The following ARRB1 variants were observed in gnomAD, a reference collection of about 807,000 sequenced individuals.
ARRB1 encodes beta-arrestin-1.
A neutral mutation model predicts 56.8 loss-of-function variants in ARRB1; 21 were observed. The ratio of observed to expected loss-of-function variants is 0.37; its 90% confidence interval spans 0.26 to 0.53. The LOEUF is 0.53. Among genes scored for constraint, ARRB1 ranks in the 20% least tolerant of loss-of-function variants. ARRB1 has a pLI of 0.88. For missense variants in ARRB1, 424 were observed against 553.7 expected, an observed-to-expected ratio of 0.77 and a Z score of 2.35; for synonymous variants, 210 against 218.6, an observed-to-expected ratio of 0.96 and a Z score of 0.35.
intron 1 of ARRB1, among the ~76,000 whole-genome samples, chr11:75,316,956 C>A (rs1947275379): frequency 6.6e-6 from 1 of 152,066 alleles, no homozygotes; most frequent in African/African-American, 2.4e-5. Context: ...GTCCCAGCTA[C>A]TCGGGAGACT....
intron 7 of ARRB1, 62 bp downstream of exon 7, chr11:75,281,012 CT>C (rs1466247428): frequency 7.2e-6 from 11 of 1,534,912 alleles, no homozygotes; most frequent in African/African-American, 4.1e-5. Flanking sequence ...TCCTCTTGGA[CT>C]TTGCCCATCC....
chr11:75,288,247 A>T (rs1946527471), intron 2 of ARRB1, among the ~76,000 whole-genome samples: 1 of 152,250 alleles, frequency 6.6e-6, no homozygotes, highest in African/African-American at 2.4e-5. Context: ...CATTGTGGAA[A>T]GGTGACATCC....
intron 1 of ARRB1, among the ~76,000 whole-genome samples, chr11:75,336,636 T>A (rs139750545): frequency 6.6e-6 from 1 of 152,176 alleles, no homozygotes; most frequent in Non-Finnish European, 1.5e-5. Context: ...CCAGGAAAAT[T>A]GGGATGGCTG....
intron 1 of ARRB1, among the ~76,000 whole-genome samples, chr11:75,345,426 CT>C (rs1947750834): frequency 6.6e-6 from 1 of 152,144 alleles, no homozygotes; most frequent in Non-Finnish European, 1.5e-5. Flanking sequence ...CAAGCCACCC[CT>C]GGGACAGGAA....
In ARRB1 at chr11:75,265,941, G is replaced by A; in HGVS notation, c.*222C>T. The stretch of plus-strand genomic sequence containing the variant: ...CATGAAAAGGAGGGGAGTGGAGATG[G>A]CAGAGATGGGGTGGAGCCAGTGCGC... On this transcript the variant is annotated 3_prime_UTR_variant, in exon 16 of 16. Transcript: ENST00000420843. The A allele has an allele frequency of 1.1e-5, 6 of 557,892 alleles. No individual in the cohort carries two copies. The South Asian group carries it at 1.3e-4, about 12-fold the overall frequency. 34.6% of individuals were successfully genotyped at this position (557,892 alleles called of 1,614,324 possible).
chr11:75,324,803 A>G (rs1050173620), intron 1 of ARRB1, among the ~76,000 whole-genome samples: 1 of 152,176 alleles, frequency 6.6e-6, no homozygotes, highest in Non-Finnish European at 1.5e-5. Flanking sequence ...TGCTACGTCT[A>G]CACTCAAAGT....
intron 3 of ARRB1, among the ~76,000 whole-genome samples, chr11:75,285,445 C>T (rs1946447714): frequency 6.6e-6 from 1 of 151,712 alleles, no homozygotes; most frequent in Non-Finnish European, 1.5e-5. Flanking sequence ...CCTTTCTTTC[C>T]TCTCTCTCTC....
Position 75,299,857 on chromosome 11 carries a change from G to A in ARRB1, c.21-9818C>T, listed in dbSNP as rs562672565. On this transcript the variant is annotated intron_variant, in intron 1 of 15. Transcript: ENST00000420843. The stretch of plus-strand genomic sequence containing the variant: ...CAATAAATAAATATAGGATGACTAT[G>A]GTTAAATGAATGCCCTAAGAGAATT... Among the ~76,000 whole-genome samples, 10 of 152,262 alleles carry A rather than the reference G, an allele frequency of 6.6e-5. 1 individual carries two copies. The South Asian group carries it at 2.1e-3, about 32-fold the overall frequency.
intron 1 of ARRB1, among the ~76,000 whole-genome samples, chr11:75,309,485 A>C (rs572938492): frequency 3.0e-4 from 45 of 152,320 alleles, no homozygotes; most frequent in Non-Finnish European, 5.7e-4. Context: ...TCTTGAGTGA[A>C]ATGAGGCCCT....
intron 6 of ARRB1, chr11:75,281,761 G>A (rs1946348386): frequency 3.3e-6 from 2 of 599,962 alleles, no homozygotes; most frequent in Non-Finnish European, 5.9e-6. Flanking sequence ...CACTGAATGG[G>A]AGAGTGAGGC....
intron 1 of ARRB1, among the ~76,000 whole-genome samples, chr11:75,318,136 A>T (rs1947292256): frequency 6.7e-6 from 1 of 148,748 alleles, no homozygotes; most frequent in Non-Finnish European, 1.5e-5. Flanking sequence ...CCTGGGAATA[A>T]GCATTTCTAA....
At chr11:75,336,824 A>G (rs145931981) in intron 1 of ARRB1, among the ~76,000 whole-genome samples, 190 of 152,294 alleles carry the variant, frequency 1.2e-3, no homozygotes, top group African/African-American at 4.5e-3. Flanking sequence ...TCACCACCCT[A>G]TGAGGGGAAT....
At position 75,268,570 on chromosome 11, in the gene ARRB1, G is replaced by A. The variant is rs572960068; in HGVS notation, c.1093+319C>T. On this transcript the variant is annotated intron_variant, in intron 14 of 15. Transcript: ENST00000420843. Reference sequence around the variant, plus strand: ...AAAACATGACAATAGCGTGTCCAACGGTCATCTTATCCAAGCAGCCCCTTC... The same window carrying A: ...AAAACATGACAATAGCGTGTCCAACAGTCATCTTATCCAAGCAGCCCCTTC... 1.6e-3 allele frequency among the ~76,000 whole-genome samples: 245 copies of A among 148,658 alleles called. 4 individuals carry two copies. The South Asian group carries it at 0.042, about 25-fold the overall frequency.
At chr11:75,303,759 C>G in intron 1 of ARRB1, 1 of 451,674 alleles carries the variant, frequency 2.2e-6, no homozygotes, top group South Asian at 1.6e-5. Context: ...TTCCAGGCAC[C>G]ACCAGGCACC....
At chr11:75,307,671 G>C (rs1489219246) in intron 1 of ARRB1, among the ~76,000 whole-genome samples, 4 of 152,302 alleles carry the variant, frequency 2.6e-5, no homozygotes, top group African/African-American at 9.6e-5. Flanking sequence ...CACGGGGAAG[G>C]TCTTCCCTCT....
At chr11:75,292,373 C>G (rs1391884050) in intron 1 of ARRB1, among the ~76,000 whole-genome samples, 1 of 152,182 alleles carries the variant, frequency 6.6e-6, no homozygotes, top group Non-Finnish European at 1.5e-5. Flanking sequence ...CTCCTGACCT[C>G]AAGTGATCCT....
chr11:75,283,164 G>T, intron 5 of ARRB1, 123 bp downstream of exon 5: 3 of 1,035,298 alleles, frequency 2.9e-6, no homozygotes, highest in Non-Finnish European at 2.8e-6. Context: ...CCAGGTCCCA[G>T]CATACACTGG....
intron 6 of ARRB1, among the ~76,000 whole-genome samples, chr11:75,281,450 A>T (rs1946336990): frequency 6.6e-6 from 1 of 152,150 alleles, no homozygotes; most frequent in Non-Finnish European, 1.5e-5. Context: ...CAGGCACCTG[A>T]GCAGACTGGG....
rs35786880 is a variant in ARRB1, at chr11:75,269,332, C to G, written c.1023-373G>C. On this transcript the variant is annotated intron_variant, in intron 13 of 15. Transcript: ENST00000420843. ...CACCTCAAATCGCCACAGCCACCCT[C>G]GCCTCCCCTGACACTGCCCTTCCCA... 3.0e-5 allele frequency: 12 copies of G among 401,946 alleles called. No homozygotes were observed. The Admixed American group carries it at 4.0e-4, about 13-fold the overall frequency. The allele number at this position is 401,946 out of a possible 1,614,324, so 24.9% of individuals were successfully genotyped here.
Sources: gnomAD v4.1 joint callset for allele counts (sites outside exome capture counted in the v4.1 genomes callset) on GRCh38, gnomAD v4.1.1 for gene constraint, MANE v1.5 for transcripts, NCBI Gene and HGNC (gene_info 2026-07-23, HGNC 2026-07-21) for gene names.